The following PPP4R2 variants were observed in gnomAD, a reference collection of about 807,000 sequenced individuals.
PPP4R2 encodes serine/threonine-protein phosphatase 4 regulatory subunit 2.
A neutral mutation model predicts 47.2 loss-of-function variants in PPP4R2; 13 were observed. The observed-to-expected ratio is 0.28, with a 90% CI of 0.18 to 0.44. PPP4R2 has a LOEUF of 0.44. PPP4R2 is among the 20% of genes least tolerant of loss of function. PPP4R2 has a pLI of 1.00. For synonymous variants in PPP4R2, 151 were observed against 163.3 expected (o/e 0.92, Z 0.57); for missense variants, 421 against 491.2 (o/e 0.86, Z 1.35).
chr3:73,026,170 ATAAT>A (rs1358439206), intron 2 of PPP4R2, among the ~76,000 whole-genome samples: 3 of 152,206 alleles, frequency 2.0e-5, no homozygotes, highest in Non-Finnish European at 4.4e-5. Flanking sequence ...GCATAAATAA[ATAAT>A]TGTAGCTCTA....
intron 2 of PPP4R2, among the ~76,000 whole-genome samples, chr3:73,008,900 T>C (rs1701668788): frequency 6.6e-6 from 1 of 152,230 alleles, no homozygotes; most frequent in Non-Finnish European, 1.5e-5. Flanking sequence ...GTAGTTACTA[T>C]ATGACCAAGG....
At position 73,065,842 on chromosome 3, in the gene PPP4R2, G is replaced by A. The variant is rs545074761; in HGVS notation, c.*120G>A. ...CAAGAGAAGCAGGTTGTAAAATAAA[G>A]TACTTTATGGATAATTCCTGAAAGA... is the stretch of plus-strand genomic sequence containing the variant. On this transcript the variant is annotated 3_prime_UTR_variant, in exon 9 of 9. Coordinates refer to ENST00000356692, the MANE Select transcript of PPP4R2 (RefSeq NM_174907.4). 1 of 632,042 alleles carries A rather than the reference G, an allele frequency of 1.6e-6. No homozygotes were observed. The highest frequency in any genetic ancestry group is 2.8e-5 in the East Asian group (1 of 35,800). The allele number at this position is 632,042 out of a possible 1,614,324, so 39.2% of individuals were successfully genotyped here.
Position 72,997,339 on chromosome 3 carries a change from C to T in PPP4R2, c.34+268C>T, listed in dbSNP as rs1190836836. 7.9e-6 allele frequency: 3 copies of T among 379,948 alleles called. No homozygotes were observed. The East Asian group carries it at 1.1e-4, about 15-fold the overall frequency. The allele number at this position is 379,948 out of a possible 1,614,324, so 23.5% of individuals were successfully genotyped here. A position where few individuals can be genotyped will look rare whatever the true frequency, so the allele number is the denominator to read the frequency against. ...TGCGGGGGCCCCAGTCTTTCTCCCA[C>T]CCGTTCAGGGGACGAGTGGCGGACC... On this transcript the variant is annotated intron_variant, in intron 1 of 8. Transcript: ENST00000356692.
chr3:73,043,972 T>C (rs956406193), intron 2 of PPP4R2, among the ~76,000 whole-genome samples: 1 of 152,256 alleles, frequency 6.6e-6, no homozygotes, highest in African/African-American at 2.4e-5. Flanking sequence ...ATAGCTCATA[T>C]AAGTGGAATC....
chr3:73,029,600 G>A (rs986455028), intron 2 of PPP4R2, among the ~76,000 whole-genome samples: 3 of 152,302 alleles, frequency 2.0e-5, no homozygotes, highest in African/African-American at 7.2e-5. Flanking sequence ...CAATATGTGG[G>A]AAAGATCAGA....
intron 2 of PPP4R2, among the ~76,000 whole-genome samples, chr3:73,008,670 C>T (rs1190963022): frequency 1.3e-5 from 2 of 152,000 alleles, no homozygotes; most frequent in Non-Finnish European, 1.5e-5. Flanking sequence ...GGGTTTGTAC[C>T]TTTAGTTGTT....
At chr3:73,062,913 C>T in intron 5 of PPP4R2, 2 of 1,601,488 alleles carry the variant, frequency 1.2e-6, no homozygotes, top group Non-Finnish European at 1.7e-6. Context: ...GCCAAGAAAG[C>T]ACAGATGACA....
chr3:73,052,479 G>C (rs1044268998), intron 3 of PPP4R2, among the ~76,000 whole-genome samples: 1 of 151,980 alleles, frequency 6.6e-6, no homozygotes, highest in Non-Finnish European at 1.5e-5. Flanking sequence ...TCAAACCAGG[G>C]CCATTTATGA....
intron 3 of PPP4R2, among the ~76,000 whole-genome samples, chr3:73,051,217 A>G (rs1365565672): frequency 6.6e-6 from 1 of 152,072 alleles, no homozygotes; most frequent in Non-Finnish European, 1.5e-5. Context: ...ACCTGGCCAG[A>G]TTGTTACTTT....
At chr3:73,009,676 G>C (rs9870557) in intron 2 of PPP4R2, among the ~76,000 whole-genome samples, 1 of 151,702 alleles carries the variant, frequency 6.6e-6, no homozygotes, top group African/African-American at 2.4e-5. Context: ...CTTTCTCTCT[G>C]CTTGTAGACT....
At chr3:73,062,285 T>C (rs372597322) in intron 5 of PPP4R2, 1 of 1,607,122 alleles carries the variant, frequency 6.2e-7, no homozygotes, top group African/African-American at 1.3e-5. Context: ...TGGACAGGAG[T>C]GGGCTCCCTG....
intron 2 of PPP4R2, among the ~76,000 whole-genome samples, chr3:73,015,498 T>A (rs1257574387): frequency 1.8e-5 from 2 of 108,256 alleles, no homozygotes; most frequent in East Asian, 2.8e-4. Flanking sequence ...TTTTTTTTTT[T>A]AGGGTCTCGC....
At chr3:73,002,641 T>C (rs1334315985) in intron 2 of PPP4R2, among the ~76,000 whole-genome samples, 2 of 81,992 alleles carry the variant, frequency 2.4e-5, no homozygotes, top group Admixed American at 1.1e-4. Context: ...TTTCTTTTTT[T>C]TTTTTTTTTT....
intron 2 of PPP4R2, among the ~76,000 whole-genome samples, chr3:73,030,644 G>T (rs1702149568): frequency 6.6e-6 from 1 of 150,718 alleles, no homozygotes. Context: ...AGTGAAGCCA[G>T]AGAAGGGCTA....
intron 2 of PPP4R2, among the ~76,000 whole-genome samples, chr3:73,033,666 C>T (rs1702209259): frequency 6.6e-6 from 1 of 152,194 alleles, no homozygotes. Flanking sequence ...AATATAAATT[C>T]TGTACCCATT....
intron 5 of PPP4R2, chr3:73,062,217 T>A (rs2231924): frequency 1.9e-6 from 3 of 1,589,802 alleles, no homozygotes; most frequent in South Asian, 1.2e-5. Flanking sequence ...GAACCAATTT[T>A]CCACAATGTC....
chr3:73,063,919 T>TC, intron 6 of PPP4R2, 84 bp from the exon 7 acceptor site: 1 of 1,299,626 alleles, frequency 7.7e-7, no homozygotes, highest in Non-Finnish European at 1.1e-6. Flanking sequence ...AGCAAATACT[T>TC]CTGTGATGTA....
At chr3:73,015,312 T>C (rs2107235341) in intron 2 of PPP4R2, among the ~76,000 whole-genome samples, 1 of 151,904 alleles carries the variant, frequency 6.6e-6, no homozygotes, top group East Asian at 1.9e-4. Flanking sequence ...CCTGAGTAGC[T>C]GGGATTACAG....
chr3:73,064,852 T>C lies in PPP4R2; in HGVS notation c.639T>C (p.Ser213=), dbSNP rs61188513. ...TGACACTTTAAAAAAACATTTACAG[T>C]GACTCTTCGACCTCTGAATCAGAAG... ...NLQQNEEKNH[S]DSSTSESEVS... The change falls in exon 8 of 9, where the codon AGT becomes AGC. Residue 213 remains serine, a splice_region_variant and synonymous_variant. Coordinates refer to ENST00000356692, the MANE Select transcript of PPP4R2 (RefSeq NM_174907.4). 205,899 of 1,585,218 alleles carry C rather than the reference T, an allele frequency of 0.13. 17,162 individuals are homozygous for C. Among genetic ancestry groups the C allele is most frequent in the East Asian group, 0.35 (15,473 of 44,664 alleles).
Sources: allele counts gnomAD v4.1 joint callset (sites outside exome capture counted in the v4.1 genomes callset), GRCh38; gene constraint gnomAD v4.1.1; transcripts MANE v1.5; gene names NCBI Gene and HGNC (gene_info 2026-07-23, HGNC 2026-07-21).